Variants in CMSS1 observed in about 807,000 individuals in gnomAD.
CMSS1 encodes the protein protein CMSS1.
A neutral mutation model predicts 43.5 loss-of-function variants in CMSS1; 33 were observed. The observed-to-expected ratio is 0.76, with a 90% CI of 0.57 to 1.01. CMSS1 has a LOEUF of 1.01. Ranked by LOEUF, CMSS1 falls within the 50% of genes least tolerant of loss-of-function variation. The pLI is 0.00. For missense variants in CMSS1, 313 were observed against 326.4 expected (o/e 0.96, Z 0.32); for synonymous variants, 115 against 117.2 (o/e 0.98, Z 0.12).
At chr3:100,020,811 G>A (rs1222744946) in intron 1 of CMSS1, among the ~76,000 whole-genome samples, 2 of 121,800 alleles carry the variant, frequency 1.6e-5, no homozygotes, top group Non-Finnish European at 3.2e-5. Flanking sequence ...TCTGTTGCCA[G>A]GTTTGGAGTA....
intron 1 of CMSS1, chr3:99,931,006 G>A: frequency 6.2e-7 from 1 of 1,613,662 alleles, no homozygotes; most frequent in Non-Finnish European, 8.5e-7. Context: ...CGGTATCACT[G>A]CCTCTGGAAC....
At position 100,028,971 on chromosome 3, in the gene CMSS1, G is replaced by A. The variant is rs79992929; in HGVS notation, c.65-118002G>A. On this transcript the variant is annotated intron_variant, in intron 1 of 9. Coordinates refer to ENST00000421999, the MANE Select transcript of CMSS1 (RefSeq NM_032359.4). ...CTGTTGATGTTTTACAAGCTCGTCA[G>A]TCCGTTACTTGAGCAGTTACTTGAG... Among the ~76,000 whole-genome samples the A allele has an allele frequency of 4.5e-3, 689 of 152,130 alleles. 7 individuals carry two copies. The highest frequency in any genetic ancestry group is 0.016 in the African/African-American group (675 of 41,520).
chr3:100,170,375 G>A (rs1465503007), intron 6 of CMSS1, among the ~76,000 whole-genome samples: 2 of 152,122 alleles, frequency 1.3e-5, no homozygotes, highest in East Asian at 3.8e-4. Context: ...ATAGAAGCAA[G>A]GAAAAAATAA....
At chr3:99,930,902 G>C (rs766737515) in intron 1 of CMSS1, 6 of 1,613,378 alleles carry the variant, frequency 3.7e-6, no homozygotes, top group Non-Finnish European at 5.1e-6. Flanking sequence ...CTCACTGGGG[G>C]AGTCTTTGTC....
At chr3:99,948,497 TTA>T in intron 1 of CMSS1, among the ~76,000 whole-genome samples, 1 of 147,794 alleles carries the variant, frequency 6.8e-6, no homozygotes, top group East Asian at 2.0e-4. Flanking sequence ...TGAGCCATGA[TTA>T]TATCATCACT....
intron 1 of CMSS1, among the ~76,000 whole-genome samples, chr3:100,049,140 TC>T (rs2065327558): frequency 6.6e-6 from 1 of 152,268 alleles, no homozygotes; most frequent in African/African-American, 2.4e-5. Flanking sequence ...CCTTGTTTTT[TC>T]TTTTACCTTC....
At chr3:99,869,679 A>T (rs1944693002) in intron 1 of CMSS1, among the ~76,000 whole-genome samples, 1 of 152,210 alleles carries the variant, frequency 6.6e-6, no homozygotes, top group Admixed American at 6.5e-5. Flanking sequence ...CAAATTTAAC[A>T]GGCAGACACT....
intron 1 of CMSS1, among the ~76,000 whole-genome samples, chr3:99,946,599 A>AT (rs1559699089): frequency 2.0e-5 from 3 of 152,108 alleles, no homozygotes; most frequent in Non-Finnish European, 2.9e-5. Flanking sequence ...AAATGATGCC[A>AT]TTTTTTTTAG....
intron 1 of CMSS1, among the ~76,000 whole-genome samples, chr3:99,856,969 A>T (rs188118392): frequency 1.5e-4 from 23 of 152,300 alleles, no homozygotes; most frequent in African/African-American, 4.8e-4. Context: ...TATTTTTTGT[A>T]CATTACAGTC....
intron 1 of CMSS1, among the ~76,000 whole-genome samples, chr3:100,019,715 T>A (rs1386171305): frequency 6.6e-6 from 1 of 152,254 alleles, no homozygotes; most frequent in Admixed American, 6.5e-5. Context: ...TGCTGATGTA[T>A]GTTTGTGTAA....
chr3:99,998,877 TAAACTC>T (rs200375555), intron 1 of CMSS1, among the ~76,000 whole-genome samples: 1,794 of 152,324 alleles, frequency 0.012, 23 homozygotes, highest in African/African-American at 0.026. Context: ...CCATGGTTCT[TAAACTC>T]TAACCTAATC....
chr3:100,028,593 G>A (rs962034811), intron 1 of CMSS1, among the ~76,000 whole-genome samples: 6 of 152,062 alleles, frequency 3.9e-5, no homozygotes, highest in Non-Finnish European at 8.8e-5. Context: ...AAAATAATAT[G>A]TATTTACCTA....
intron 1 of CMSS1, among the ~76,000 whole-genome samples, chr3:99,890,265 G>T (rs995461759): frequency 2.0e-5 from 3 of 151,750 alleles, no homozygotes; most frequent in Admixed American, 6.6e-5. Context: ...TTTTTTCCCT[G>T]GCTGTTTTTA....
intron 1 of CMSS1, among the ~76,000 whole-genome samples, chr3:100,107,516 G>C (rs1196730366): frequency 1.3e-5 from 2 of 152,132 alleles, no homozygotes; most frequent in Admixed American, 1.3e-4. Flanking sequence ...TAATGCTTCA[G>C]TACAGTCTTT....
intron 1 of CMSS1, chr3:99,849,666 A>G: frequency 6.2e-7 from 1 of 1,613,198 alleles, no homozygotes; most frequent in Non-Finnish European, 8.5e-7. Context: ...ATAAAAATTG[A>G]GCTTTGTCTC....
chr3:100,160,718 G>A (rs1192271391), intron 3 of CMSS1, among the ~76,000 whole-genome samples: 3 of 152,128 alleles, frequency 2.0e-5, no homozygotes, highest in Non-Finnish European at 4.4e-5. Context: ...TCAGTCCTGT[G>A]GAGTGCCAAA....
At chr3:100,008,022 C>T (rs542746812) in intron 1 of CMSS1, among the ~76,000 whole-genome samples, 34 of 152,260 alleles carry the variant, frequency 2.2e-4, no homozygotes, top group Admixed American at 9.2e-4. Context: ...CACAACCTTG[C>T]CTGGGACCTG....
intron 1 of CMSS1, among the ~76,000 whole-genome samples, chr3:100,139,166 G>T (rs1193644665): frequency 6.6e-6 from 1 of 152,098 alleles, no homozygotes; most frequent in Non-Finnish European, 1.5e-5. Flanking sequence ...ACAGGGAGGG[G>T]ACCATCACAC....
intron 1 of CMSS1, chr3:99,876,106 G>A (rs1244459143): frequency 4.1e-6 from 4 of 986,466 alleles, no homozygotes; most frequent in Non-Finnish European, 4.8e-6. Context: ...GCGGGGGCCG[G>A]GCCGGGGCCG....
Sources: gnomAD v4.1 joint callset for allele counts (sites outside exome capture counted in the v4.1 genomes callset) on GRCh38, gnomAD v4.1.1 for gene constraint, MANE v1.5 for transcripts, NCBI Gene and HGNC (gene_info 2026-07-23, HGNC 2026-07-21) for gene names.